The following ANKRD6 variants were observed in gnomAD, a reference collection of about 807,000 sequenced individuals.
The protein encoded by ANKRD6 is ankyrin repeat domain 6, also known as ankyrin repeat domain-containing protein 6.
In ANKRD6, 56 loss-of-function variants were observed where a neutral mutation model predicts 82.3. The observed-to-expected ratio is 0.68, with a 90% CI of 0.55 to 0.85. ANKRD6 has a LOEUF of 0.85. Ranked by LOEUF, ANKRD6 falls within the 40% of genes least tolerant of loss-of-function variation. The probability of loss-of-function intolerance (pLI) is 0.00; values close to 1 mark genes in which losing one functional copy is unlikely to be tolerated. For synonymous variants in ANKRD6, 347 were observed against 352.1 expected, an observed-to-expected ratio of 0.99 and a Z score of 0.16; for missense variants, 852 against 907.6, an observed-to-expected ratio of 0.94 and a Z score of 0.79.
At chr6:89,570,061 A>ATG (rs1322156749) in intron 2 of ANKRD6, among the ~76,000 whole-genome samples, 8 of 72,842 alleles carry the variant, frequency 1.1e-4, no homozygotes, top group South Asian at 1.1e-3. Context: ...GTATGTGTGT[A>ATG]TATGTGTGTG....
chr6:89,487,780 C>T (rs1464170009), intron 1 of ANKRD6, among the ~76,000 whole-genome samples: 2 of 152,098 alleles, frequency 1.3e-5, no homozygotes, highest in African/African-American at 4.8e-5. Context: ...AATGTGTAGT[C>T]CTCAGACTCT....
At chr6:89,591,071 C>T (rs776261787) in intron 2 of ANKRD6, among the ~76,000 whole-genome samples, 2 of 152,068 alleles carry the variant, frequency 1.3e-5, no homozygotes, top group Non-Finnish European at 2.9e-5. Context: ...GGACTCAGGG[C>T]AAATTGATGC....
chr6:89,621,835 A>G, intron 9 of ANKRD6, 87 bp from the exon 10 acceptor site: 2 of 1,289,478 alleles, frequency 1.6e-6, no homozygotes, highest in Non-Finnish European at 2.2e-6. Flanking sequence ...AAATTCCATT[A>G]GGTCAGAGCC....
intron 1 of ANKRD6, among the ~76,000 whole-genome samples, chr6:89,449,756 C>T (rs1158923839): frequency 2.6e-5 from 4 of 152,178 alleles, no homozygotes; most frequent in Non-Finnish European, 5.9e-5. Flanking sequence ...ACCCTCCCCT[C>T]TTCAGTTGCA....
chr6:89,545,212 CA>C (rs754348482), intron 1 of ANKRD6, among the ~76,000 whole-genome samples: 60 of 86,344 alleles, frequency 6.9e-4, no homozygotes, highest in East Asian at 1.9e-3. Flanking sequence ...GACTCCATCT[CA>C]AAAAAAAAAA....
At chr6:89,529,649 C>G (rs949620213) in intron 1 of ANKRD6, among the ~76,000 whole-genome samples, 1 of 152,180 alleles carries the variant, frequency 6.6e-6, no homozygotes, top group African/African-American at 2.4e-5. Context: ...CTTTGACATG[C>G]CTTCATTAAG....
intron 1 of ANKRD6, among the ~76,000 whole-genome samples, chr6:89,490,281 A>G (rs1374874053): frequency 6.6e-6 from 1 of 152,236 alleles, no homozygotes; most frequent in Admixed American, 6.5e-5. Flanking sequence ...TCTTCAAATC[A>G]GTTTTATGGG....
chr6:89,540,211 T>C (rs1433401737), intron 1 of ANKRD6, among the ~76,000 whole-genome samples: 1 of 152,190 alleles, frequency 6.6e-6, no homozygotes, highest in Non-Finnish European at 1.5e-5. Flanking sequence ...CCCTTCAAAC[T>C]GTTCTCCATA....
intron 2 of ANKRD6, among the ~76,000 whole-genome samples, chr6:89,594,647 A>T (rs1795520236): frequency 6.6e-6 from 1 of 151,888 alleles, no homozygotes; most frequent in African/African-American, 2.4e-5. Flanking sequence ...TCAATGATTT[A>T]TTTTTTTTCT....
intron 1 of ANKRD6, among the ~76,000 whole-genome samples, chr6:89,533,065 C>T (rs1435987374): frequency 5.9e-5 from 9 of 151,826 alleles, no homozygotes; most frequent in African/African-American, 1.7e-4. Flanking sequence ...TTAGTAGAGA[C>T]GGGGTTTCAC....
At chr6:89,452,656 T>C (rs1390759048) in intron 1 of ANKRD6, among the ~76,000 whole-genome samples, 1 of 152,194 alleles carries the variant, frequency 6.6e-6, no homozygotes, top group Non-Finnish European at 1.5e-5. Flanking sequence ...TCTTTTGGCC[T>C]GACAATTTTT....
At chr6:89,470,827 C>A (rs1775363923) in intron 1 of ANKRD6, among the ~76,000 whole-genome samples, 1 of 152,020 alleles carries the variant, frequency 6.6e-6, no homozygotes, top group African/African-American at 2.4e-5. Flanking sequence ...TATATTTATT[C>A]TAGGTGCTGT....
At chr6:89,535,804 C>T (rs1213697859) in intron 1 of ANKRD6, among the ~76,000 whole-genome samples, 1 of 152,218 alleles carries the variant, frequency 6.6e-6, no homozygotes, top group East Asian at 1.9e-4. Flanking sequence ...AATTAGACCA[C>T]CTCAGCTCAC....
intron 1 of ANKRD6, among the ~76,000 whole-genome samples, chr6:89,446,306 C>T (rs967029178): frequency 5.3e-5 from 8 of 151,896 alleles, no homozygotes; most frequent in African/African-American, 1.9e-4. Context: ...GAGTCAAGAT[C>T]GTGCCATTGC....
At chr6:89,558,994 C>A (rs1787019154) in intron 1 of ANKRD6, among the ~76,000 whole-genome samples, 1 of 152,176 alleles carries the variant, frequency 6.6e-6, no homozygotes, top group South Asian at 2.1e-4. Flanking sequence ...CATATACAAT[C>A]TTGAGAGTGT....
chr6:89,542,570 A>G (rs1784568183), intron 1 of ANKRD6, among the ~76,000 whole-genome samples: 2 of 152,186 alleles, frequency 1.3e-5, no homozygotes. Context: ...TGACATTACT[A>G]AAAGTCCTCG....
chr6:89,623,129 G>C (rs1373233771), intron 10 of ANKRD6, among the ~76,000 whole-genome samples: 2 of 151,884 alleles, frequency 1.3e-5, no homozygotes, highest in Non-Finnish European at 1.5e-5. Flanking sequence ...TTTTGTGTCG[G>C]GTAGGTTCCT....
chr6:89,627,961 T>G (rs1468399983), intron 14 of ANKRD6, among the ~76,000 whole-genome samples: 1 of 152,216 alleles, frequency 6.6e-6, no homozygotes, highest in Non-Finnish European at 1.5e-5. Flanking sequence ...TCATTCCATG[T>G]ATTGTGCATT....
intron 13 of ANKRD6, among the ~76,000 whole-genome samples, chr6:89,626,835 ATCCTTTAAGT>A (rs1214810456): frequency 6.6e-6 from 1 of 152,226 alleles, no homozygotes; most frequent in Admixed American, 6.5e-5. Context: ...CTCTGAAGCA[ATCCTTTAAGT>A]TCCTTCTACA....
Sources: gnomAD v4.1 joint callset for allele counts (sites outside exome capture counted in the v4.1 genomes callset) on GRCh38, gnomAD v4.1.1 for gene constraint, MANE v1.5 for transcripts, NCBI Gene and HGNC (gene_info 2026-07-23, HGNC 2026-07-21) for gene names.